The following HMGA2 variants were observed in gnomAD, a reference collection of about 807,000 sequenced individuals.
The protein encoded by HMGA2 is high mobility group protein HMGI-C.
A neutral mutation model predicts 19.1 loss-of-function variants in HMGA2; 8 were observed. The observed-to-expected ratio is 0.42, with a 90% confidence interval of 0.25 to 0.76. The LOEUF is 0.76. HMGA2 is among the 30% of genes least tolerant of loss of function. The pLI is 0.28. For synonymous variants in HMGA2, 60 were observed against 48.8 expected, an observed-to-expected ratio of 1.23 and a Z score of -0.96; for missense variants, 109 against 136.3, an observed-to-expected ratio of 0.80 and a Z score of 1.00.
intron 3 of HMGA2, among the ~76,000 whole-genome samples, chr12:65,840,038 A>AT (rs557094993): frequency 1.0e-3 from 159 of 152,118 alleles, no homozygotes; most frequent in Non-Finnish European, 2.0e-3. Context: ...CAGTTTTCTC[A>AT]TTTTTTCCCC....
chr12:65,827,936 G>GAGTC, intron 1 of HMGA2, 65 bp from the exon 2 acceptor site: 1 of 1,120,848 alleles, frequency 8.9e-7, no homozygotes, highest in Non-Finnish European at 1.4e-6. Flanking sequence ...TATAGCTAAA[G>GAGTC]AGTCAGGGTC....
chr12:65,849,478 C>T (rs1052340260), intron 3 of HMGA2, among the ~76,000 whole-genome samples: 1 of 152,152 alleles, frequency 6.6e-6, no homozygotes, highest in African/African-American at 2.4e-5. Context: ...TCTAAAATTT[C>T]TCTTTTAAGA....
chr12:65,839,967 G>A lies in HMGA2; in HGVS notation c.249+1398G>A, dbSNP rs182607104. Among the ~76,000 whole-genome samples the A allele has an allele frequency of 3.9e-5, 6 of 152,286 alleles. No individual in the cohort carries two copies. The East Asian group carries it at 7.7e-4, about 20-fold the overall frequency. On this transcript the variant is annotated intron_variant, in intron 3 of 4. Coordinates refer to ENST00000403681, the MANE Select transcript of HMGA2 (RefSeq NM_003483.6). ...TTTCACTCATGATAGCCCTGCAAAC[G>A]GTTGAGGGCAATTAACACATACTGT...
rs373705188 is a variant in HMGA2 at position 65,915,163 on chromosome 12, A to G, written c.250-36220A>G. The G allele has an allele frequency of 8.7e-6, 14 of 1,612,420 alleles. No homozygotes were observed. The African/African-American group carries it at 1.9e-4, about 22-fold the overall frequency. ...TTGGAGGAGTCCAGGATAGCTCTTC[A>G]TGTTATTTTCACCTTGAGGAATTGT... On this transcript the variant is annotated intron_variant, in intron 3 of 4. Coordinates refer to ENST00000403681, the MANE Select transcript of HMGA2 (RefSeq NM_003483.6).
At chr12:65,924,149 T>G (rs373186720) in intron 3 of HMGA2, among the ~76,000 whole-genome samples, 1 of 152,290 alleles carries the variant, frequency 6.6e-6, no homozygotes, top group African/African-American at 2.4e-5. Context: ...CCATCTTGTC[T>G]TGGCTTATTC....
intron 3 of HMGA2, among the ~76,000 whole-genome samples, chr12:65,873,620 T>C (rs1488841757): frequency 1.3e-5 from 2 of 152,244 alleles, no homozygotes; most frequent in East Asian, 3.8e-4. Flanking sequence ...ATATAAAGCA[T>C]GTCTACATGT....
chr12:65,915,164 T>C (rs767674875), intron 3 of HMGA2: 7 of 1,612,318 alleles, frequency 4.3e-6, no homozygotes, highest in South Asian at 3.3e-5. Flanking sequence ...TAGCTCTTCA[T>C]GTTATTTTCA....
At chr12:65,865,461 G>C (rs1220717972) in intron 3 of HMGA2, among the ~76,000 whole-genome samples, 2 of 152,078 alleles carry the variant, frequency 1.3e-5, no homozygotes, top group Non-Finnish European at 2.9e-5. Flanking sequence ...TATAGCTGTT[G>C]TTTTAAAATA....
At chr12:65,890,137 G>C (rs1261960382) in intron 3 of HMGA2, among the ~76,000 whole-genome samples, 1 of 152,146 alleles carries the variant, frequency 6.6e-6, no homozygotes, top group Non-Finnish European at 1.5e-5. Flanking sequence ...AGTTGCCCAA[G>C]TCCTGAAAAT....
chr12:65,905,395 T>A (rs1425729258), intron 3 of HMGA2, among the ~76,000 whole-genome samples: 1 of 152,180 alleles, frequency 6.6e-6, no homozygotes, highest in East Asian at 1.9e-4. Flanking sequence ...GGGATTCCAT[T>A]GTATTTTGAA....
intron 4 of HMGA2, among the ~76,000 whole-genome samples, chr12:65,960,046 C>T (rs192584391): frequency 4.2e-3 from 638 of 152,204 alleles, no homozygotes; most frequent in Non-Finnish European, 7.0e-3. Context: ...CCCGCCACCA[C>T]GCCTGGCTAA....
chr12:65,885,509 G>A (rs1324462025), intron 3 of HMGA2, among the ~76,000 whole-genome samples: 2 of 152,160 alleles, frequency 1.3e-5, no homozygotes, highest in Non-Finnish European at 2.9e-5. Context: ...TGGCAAACCC[G>A]GTGATTTGCC....
intron 3 of HMGA2, among the ~76,000 whole-genome samples, chr12:65,888,169 A>C (rs1873738785): frequency 6.6e-6 from 1 of 152,078 alleles, no homozygotes; most frequent in Admixed American, 6.5e-5. Flanking sequence ...GGAAACCTTC[A>C]AACCGACTGA....
intron 1 of HMGA2, chr12:65,826,443 C>T (rs1405777024): frequency 6.6e-6 from 1 of 152,200 alleles, no homozygotes; most frequent in African/African-American, 2.4e-5. Context: ...CTTTCTCGGG[C>T]TTTAAAACTT....
chr12:65,931,914 C>T (rs1875730511), intron 3 of HMGA2, among the ~76,000 whole-genome samples: 2 of 152,168 alleles, frequency 1.3e-5, no homozygotes, highest in South Asian at 4.1e-4. Flanking sequence ...GACCCTGTCT[C>T]TCAAAAAAAT....
intron 3 of HMGA2, among the ~76,000 whole-genome samples, chr12:65,897,718 G>A (rs1356139658): frequency 6.6e-6 from 1 of 152,228 alleles, no homozygotes; most frequent in Non-Finnish European, 1.5e-5. Flanking sequence ...CCAGCACTGT[G>A]GGAGGCCAAG....
chr12:65,888,553 TC>T lies in HMGA2; in HGVS notation c.249+49985del, dbSNP rs1289755313. Among the ~76,000 whole-genome samples the T allele has an allele frequency of 8.8e-4, 81 of 91,526 alleles. 3 individuals are homozygous for T. Among genetic ancestry groups the T allele is most frequent in the South Asian group, 1.3e-3 (3 of 2,240 alleles). The allele number at this position is 91,526 out of a possible 152,430, so 60.0% of individuals were successfully genotyped here. ...TAGGAATAGAGTGCCCGTGGTGTGC[TC>T]TTTTTTTTTTTTTTTTTTTTTTTTT... On this transcript the variant is annotated intron_variant, in intron 3 of 4. Transcript: ENST00000403681.
chr12:65,898,042 A>T (rs1212727270), intron 3 of HMGA2, among the ~76,000 whole-genome samples: 2 of 151,684 alleles, frequency 1.3e-5, no homozygotes, highest in African/African-American at 4.8e-5. Context: ...CCAGCCACTG[A>T]TGCTAATTCT....
chr12:65,962,948 T>A (rs913129219), intron 4 of HMGA2, among the ~76,000 whole-genome samples: 1 of 152,094 alleles, frequency 6.6e-6, no homozygotes, highest in East Asian at 1.9e-4. Context: ...AATTGGTGAG[T>A]AAGCGTGCAT....
Sources: allele counts gnomAD v4.1 joint callset (sites outside exome capture counted in the v4.1 genomes callset), GRCh38; gene constraint gnomAD v4.1.1; transcripts MANE v1.5; gene names NCBI Gene and HGNC (gene_info 2026-07-23, HGNC 2026-07-21).